Variants in COMMD6 observed in about 807,000 individuals in gnomAD.
The protein encoded by COMMD6 is COMM domain-containing protein 6.
In COMMD6, 11 loss-of-function variants were observed where a neutral mutation model predicts 13.4. The observed-to-expected ratio is 0.82, with a 90% CI of 0.52 to 1.36. COMMD6 has a LOEUF of 1.36. Ranked by LOEUF, COMMD6 falls within the 40% of genes most tolerant of loss-of-function variation. The pLI is 0.00. For missense variants in COMMD6, 124 were observed against 102.4 expected, an observed-to-expected ratio of 1.21 and a Z score of -0.91; for synonymous variants, 43 against 36.5, an observed-to-expected ratio of 1.18 and a Z score of -0.64.
At chr13:75,540,344 C>CA (rs1593961926), upstream of COMMD6, among the ~76,000 whole-genome samples, 1,363 of 147,376 alleles carry the variant, frequency 9.2e-3, 10 homozygotes, top group Non-Finnish European at 0.014. Flanking sequence ...ACACACACAC[C>CA]CACACACACA....
At chr13:75,527,005 T>A (rs531278602) in intron 3 of COMMD6, among the ~76,000 whole-genome samples, 1 of 152,306 alleles carries the variant, frequency 6.6e-6, no homozygotes, top group South Asian at 2.1e-4. Flanking sequence ...GGACCGCATT[T>A]CAGTGTGGTA....
At chr13:75,532,867 C>A (rs1345228631) in intron 2 of COMMD6, among the ~76,000 whole-genome samples, 1 of 151,972 alleles carries the variant, frequency 6.6e-6, no homozygotes, top group East Asian at 1.9e-4. Flanking sequence ...GAGAACTTAC[C>A]ACATTAACTC....
At chr13:75,544,287 A>G (rs1593963255) in intron 1 of COMMD6, among the ~76,000 whole-genome samples, 1 of 152,338 alleles carries the variant, frequency 6.6e-6, no homozygotes, top group East Asian at 1.9e-4. Context: ...AAACAAAACA[A>G]AACAAAAAAC....
chr13:75,526,674 C>T (rs768797362), intron 3 of COMMD6, 35 bp from the exon 4 acceptor site: 2 of 1,469,506 alleles, frequency 1.4e-6, no homozygotes, highest in Non-Finnish European at 1.9e-6. Flanking sequence ...ATTAATTTTG[C>T]TTTTAGAAGA....
intron 1 of COMMD6, among the ~76,000 whole-genome samples, chr13:75,544,120 G>C (rs533946544): frequency 9.9e-5 from 15 of 151,830 alleles, no homozygotes; most frequent in East Asian, 1.9e-4. Context: ...GGTGGTGGGT[G>C]GGGGGGAGGT....
upstream of COMMD6, among the ~76,000 whole-genome samples, chr13:75,539,823 T>C (rs1041381978): frequency 1.3e-5 from 2 of 152,172 alleles, no homozygotes; most frequent in African/African-American, 4.8e-5. Context: ...CTCAAGGTTA[T>C]TGGACGTGAT....
Position 75,537,809 on chromosome 13 carries a change from CA to C in COMMD6, c.-5del. On this transcript the variant is annotated 5_prime_UTR_variant, in exon 1 of 4. Transcript: ENST00000682242. ...GCGGCTCGCTGGACGCCTCCATGGG[CA>C]GCGTCTGGGACTTGCGGCCCGGACT... 1 of 1,602,580 alleles carries C rather than the reference CA, an allele frequency of 6.2e-7. No individual in the cohort carries two copies.
At chr13:75,537,730 T>G (rs775880939) in intron 1 of COMMD6, 34 bp downstream of exon 1, 2 of 1,613,896 alleles carry the variant, frequency 1.2e-6, no homozygotes, top group African/African-American at 2.7e-5. Context: ...CTCCAGAGCC[T>G]CGCTGCCCAC....
chr13:75,530,441 G>A lies in COMMD6; in HGVS notation c.55-175C>T, dbSNP rs557338455. The A allele has an allele frequency of 3.7e-5, 18 of 484,676 alleles. No homozygotes were observed. The Middle Eastern group carries it at 2.7e-3, about 74-fold the overall frequency. 30.0% of individuals were successfully genotyped at this position (484,676 alleles called of 1,614,324 possible). The stretch of plus-strand genomic sequence containing the variant: ...AACAATAATCAAATGAAAAAATGGA[G>A]AGGTTATAAGGGATATAAACAGTTA... On this transcript the variant is annotated intron_variant, in intron 2 of 3. Transcript: ENST00000682242.
At chr13:75,540,574 A>G (rs373441688), upstream of COMMD6, among the ~76,000 whole-genome samples, 2 of 152,162 alleles carry the variant, frequency 1.3e-5, no homozygotes, top group East Asian at 3.8e-4. Context: ...GTTTAGGGCA[A>G]TCTCTGCCAA....
chr13:75,537,460 G>C (rs776914703), intron 2 of COMMD6: 11 of 1,551,624 alleles, frequency 7.1e-6, no homozygotes, highest in Non-Finnish European at 9.6e-6. Flanking sequence ...CTAGTGCAGG[G>C]TGGGGAAGAG....
At chr13:75,533,788 T>C (rs1450363308) in intron 2 of COMMD6, among the ~76,000 whole-genome samples, 3 of 152,120 alleles carry the variant, frequency 2.0e-5, no homozygotes, top group African/African-American at 7.2e-5. Flanking sequence ...CTTGGATAAC[T>C]GGGAGAATGC....
intron 2 of COMMD6, among the ~76,000 whole-genome samples, chr13:75,531,674 C>A (rs2030484210): frequency 1.3e-5 from 2 of 152,184 alleles, no homozygotes; most frequent in Admixed American, 1.3e-4. Context: ...CACTACACAG[C>A]TACCAAAATG....
At chr13:75,543,501 T>C (rs963458095), upstream of COMMD6, among the ~76,000 whole-genome samples, 5 of 152,240 alleles carry the variant, frequency 3.3e-5, no homozygotes, top group African/African-American at 1.2e-4. Context: ...TGTGTTGTTT[T>C]AAGCCACTAA....
intron 1 of COMMD6, among the ~76,000 whole-genome samples, chr13:75,548,762 A>G (rs1156846985): frequency 6.6e-6 from 1 of 152,234 alleles, no homozygotes; most frequent in Non-Finnish European, 1.5e-5. Context: ...TGAAGAAGAA[A>G]AAAGAGACAC....
intron 3 of COMMD6, chr13:75,527,781 T>G (rs1356080717): frequency 1.4e-6 from 2 of 1,447,006 alleles, no homozygotes; most frequent in Non-Finnish European, 1.8e-6. Context: ...GTGATCTCAC[T>G]TATATGTGGA....
At chr13:75,528,620 T>A (rs1300835843) in intron 3 of COMMD6, among the ~76,000 whole-genome samples, 2 of 151,934 alleles carry the variant, frequency 1.3e-5, no homozygotes, top group Non-Finnish European at 2.9e-5. Flanking sequence ...AGTGGATGGA[T>A]CAACTGAGGT....
At position 75,548,103 on chromosome 13, in the gene COMMD6, C is replaced by T. The variant is rs917463196; in HGVS notation, n.106+1220G>A. 2.0e-5 allele frequency among the ~76,000 whole-genome samples: 3 copies of T among 152,216 alleles called. No homozygotes were observed. In the East Asian group the frequency reaches 5.8e-4, roughly 29 times the overall value. The stretch of plus-strand genomic sequence containing the variant: ...CAACCCTAACAGGTGAATCACAGTG[C>T]AGAACCTCAGGGATCTGGAACAAGG... On this transcript the variant is annotated intron_variant and non_coding_transcript_variant, in intron 1 of 2. Transcript: ENST00000460675.
At chr13:75,537,617 TG>T (rs1566200216) in intron 2 of COMMD6, 46 bp downstream of exon 2, 1 of 1,613,082 alleles carries the variant, frequency 6.2e-7, no homozygotes, top group Admixed American at 1.7e-5. Context: ...CTCGCGGCCG[TG>T]GGAGGCAGGC....
Sources: allele counts gnomAD v4.1 joint callset (sites outside exome capture counted in the v4.1 genomes callset), GRCh38; gene constraint gnomAD v4.1.1; transcripts MANE v1.5; gene names NCBI Gene and HGNC (gene_info 2026-07-23, HGNC 2026-07-21).